CHAT: variants seen among roughly 807,000 people sequenced by gnomAD.
CHAT encodes the protein choline O-acetyltransferase, also known as acetyl CoA:choline O-acetyltransferase.
Under a neutral mutation model 76.9 loss-of-function variants are expected in CHAT, and 61 were observed. The ratio of observed to expected loss-of-function variants is 0.79; its 90% CI spans 0.65 to 0.98. The LOEUF is 0.98. Ranked by LOEUF, CHAT falls within the 50% of genes least tolerant of loss-of-function variation. The probability of loss-of-function intolerance (pLI) is 0.00; values close to 1 mark genes in which losing one functional copy is unlikely to be tolerated. For synonymous variants in CHAT, 407 were observed against 397.4 expected, an observed-to-expected ratio of 1.02 and a Z score of -0.29; for missense variants, 946 against 986.9, an observed-to-expected ratio of 0.96 and a Z score of 0.56.
intron 11 of CHAT, among the ~76,000 whole-genome samples, chr10:49,654,463 G>T (rs1038032473): frequency 2.0e-5 from 3 of 152,244 alleles, no homozygotes; most frequent in African/African-American, 7.2e-5. Flanking sequence ...CCCACCAGGG[G>T]TGCAAGCCCA....
chr10:49,609,705 C>T (rs12774253), upstream of CHAT, among the ~76,000 whole-genome samples: 10,305 of 151,820 alleles, frequency 0.068, 767 homozygotes, highest in Admixed American at 0.23. Flanking sequence ...CAGGCAGTTG[C>T]TGAGCCTTCC....
intron 7 of CHAT, among the ~76,000 whole-genome samples, chr10:49,635,723 C>A (rs1448283707): frequency 2.0e-5 from 3 of 152,108 alleles, no homozygotes; most frequent in Non-Finnish European, 4.4e-5. Flanking sequence ...TGGCAAAATT[C>A]AACAACCATT....
rs780006014 is a variant in CHAT, at chr10:49,662,703, C to T, written c.1898C>T (p.Ala633Val). The T allele has an allele frequency of 1.2e-6, 2 of 1,614,184 alleles. No individual in the cohort carries two copies. Among genetic ancestry groups the T allele is most frequent in the Non-Finnish European group, 8.5e-7 (1 of 1,180,032 alleles). ...CTGGCACTGCGGGAGCTGGCCCGGG[C>T]CATGTGCAAGGAGCTGCCCGAGATG... is the stretch of plus-strand genomic sequence containing the variant. ...HLLALRELAR[A>V]MCKELPEMFM... Residue 633 changes from alanine (A) to valine (V), a missense_variant, in exon 14 of 15, where the codon GCC (alanine) becomes GTC (valine). This residue lies in a region of CHAT where 349 missense variants were observed against 393.9 expected (regional missense o/e 0.89). Coordinates refer to ENST00000337653, the MANE Select transcript of CHAT (RefSeq NM_020549.5).
At chr10:49,648,403 G>A in intron 8 of CHAT, 104 bp from the exon 9 acceptor site, 1 of 768,846 alleles carries the variant, frequency 1.3e-6, no homozygotes, top group Non-Finnish European at 2.3e-6. Flanking sequence ...TGGTGTCCCT[G>A]GAGAAGAGGT....
intron 7 of CHAT, among the ~76,000 whole-genome samples, chr10:49,639,568 C>T (rs1218927353): frequency 7.9e-6 from 1 of 127,382 alleles, no homozygotes; most frequent in Non-Finnish European, 1.7e-5. Context: ...CACACACACA[C>T]ATATGGGTGT....
intron 1 of CHAT, among the ~76,000 whole-genome samples, chr10:49,615,483 T>C (rs1006771362): frequency 8.5e-5 from 13 of 152,176 alleles, no homozygotes; most frequent in Non-Finnish European, 1.6e-4. Context: ...GGACTCTCTG[T>C]TCCTGGCAAC....
intron 7 of CHAT, 74 bp downstream of exon 7, chr10:49,627,859 T>G: frequency 6.6e-7 from 1 of 1,519,132 alleles, no homozygotes; most frequent in South Asian, 1.2e-5. Context: ...CCTCTAGGGT[T>G]GGGCCAGGGC....
rs114198631 is a variant in CHAT at position 49,665,439 on chromosome 10, C to T, written c.*393C>T. Among the ~76,000 whole-genome samples, 325 of 152,272 alleles carry T rather than the reference C, an allele frequency of 2.1e-3. 4 individuals are homozygous for T. The highest frequency in any genetic ancestry group is 7.2e-3 in the African/African-American group (297 of 41,538). The stretch of plus-strand genomic sequence containing the variant: ...AAGGAAAGGATGAGTCACTCTATTA[C>T]ATGCAACGTACCTAATGAGTTAGGA... On this transcript the variant is annotated 3_prime_UTR_variant, in exon 15 of 15. Coordinates refer to ENST00000337653, the MANE Select transcript of CHAT (RefSeq NM_020549.5).
chr10:49,649,011 C>T (rs1446862025), intron 9 of CHAT, among the ~76,000 whole-genome samples: 2 of 152,176 alleles, frequency 1.3e-5, no homozygotes, highest in South Asian at 2.1e-4. Context: ...CCCTCCTTAG[C>T]TCCCCAGCAG....
chr10:49,627,924 C>A, intron 7 of CHAT, 139 bp downstream of exon 7: 1 of 940,492 alleles, frequency 1.1e-6, no homozygotes, highest in Non-Finnish European at 1.6e-6. Context: ...TGCCCTGCGG[C>A]CAGCCACAGT....
chr10:49,624,718 AGGATGGATGGAC>A (rs3838761), intron 5 of CHAT, among the ~76,000 whole-genome samples: 71,711 of 148,128 alleles, frequency 0.48, 17,957 homozygotes, highest in South Asian at 0.63. Context: ...GAAGGAAGGA[AGGATGGATGGAC>A]GGATGGATGG....
chr10:49,664,052 C>G (rs1005719843), intron 14 of CHAT, among the ~76,000 whole-genome samples: 1 of 152,210 alleles, frequency 6.6e-6, no homozygotes, highest in African/African-American at 2.4e-5. Context: ...GCCCAAGAAT[C>G]CTTTCTATTT....
At chr10:49,651,057 A>C (rs6537543) in intron 10 of CHAT, among the ~76,000 whole-genome samples, 57,899 of 151,662 alleles carry the variant, frequency 0.38, 11,932 homozygotes, top group South Asian at 0.48. Context: ...GATGGGGAAG[A>C]AGGAGGCTTC....
chr10:49,611,899 C>G, upstream of CHAT: 4 of 1,611,520 alleles, frequency 2.5e-6, no homozygotes, highest in South Asian at 3.3e-5. Context: ...AGTGGTCTCA[C>G]TATGCGGCCT....
At chr10:49,656,655 G>C (rs186768643) in intron 13 of CHAT, among the ~76,000 whole-genome samples, 1 of 152,184 alleles carries the variant, frequency 6.6e-6, no homozygotes, top group South Asian at 2.1e-4. Flanking sequence ...AGACCCATTC[G>C]AGGAAAAGCA....
Position 49,614,083 on chromosome 10 carries a change from GC to G in CHAT, c.-102del. On this transcript the variant is annotated 5_prime_UTR_variant, in exon 1 of 15. An upstream open reading frame in the 5' UTR loses its in-frame stop. Transcript: ENST00000337653. ...AGGCATGGGCGGGACAGTGTTCTGTGCCCCCTTCTAGAGCCTAAATTTGTTG... is the reference window on the plus strand; with the variant it reads ...AGGCATGGGCGGGACAGTGTTCTGTGCCCCTTCTAGAGCCTAAATTTGTTG... 6.5e-7 allele frequency: 1 copy of G among 1,539,402 alleles called. No homozygotes were observed. The highest frequency in any genetic ancestry group is 1.2e-5 in the South Asian group (1 of 83,488).
intron 5 of CHAT, among the ~76,000 whole-genome samples, chr10:49,624,723 G>A (rs1408188830): frequency 4.9e-5 from 2 of 40,486 alleles, no homozygotes; most frequent in African/African-American, 1.3e-4. Context: ...AAGGAAGGAT[G>A]GATGGACGGA....
At chr10:49,652,579 G>T (rs558488513) in intron 11 of CHAT, among the ~76,000 whole-genome samples, 39 of 152,236 alleles carry the variant, frequency 2.6e-4, no homozygotes, top group African/African-American at 9.4e-4. Context: ...CTTAGCCAAC[G>T]GCAGCACTTC....
At chr10:49,645,681 T>C (rs972693727) in intron 7 of CHAT, among the ~76,000 whole-genome samples, 4 of 152,186 alleles carry the variant, frequency 2.6e-5, no homozygotes, top group Non-Finnish European at 4.4e-5. Flanking sequence ...TGAAATCACG[T>C]GCTCTGTGCC....
Sources: gnomAD v4.1 joint callset for allele counts (sites outside exome capture counted in the v4.1 genomes callset) on GRCh38, gnomAD v4.1.1 for gene constraint, gnomAD v4.1.1 regional missense constraint, MANE v1.5 for transcripts, NCBI Gene and HGNC (gene_info 2026-07-23, HGNC 2026-07-21) for gene names.